SIPA1L1: variants seen among roughly 807,000 people sequenced by gnomAD.
The protein encoded by SIPA1L1 is signal-induced proliferation-associated 1-like protein 1.
SIPA1L1 carries 26 observed loss-of-function variants against 162.7 expected under a neutral mutation model. That is an observed-to-expected ratio of 0.16 (90% confidence interval 0.12 to 0.22). The LOEUF is 0.22. Ranked by LOEUF, SIPA1L1 falls within the 10% of genes least tolerant of loss-of-function variation. SIPA1L1 has a pLI of 1.00. For synonymous variants in SIPA1L1, 829 were observed against 837.4 expected, an observed-to-expected ratio of 0.99 and a Z score of 0.17; for missense variants, 1,874 against 2,241.0, an observed-to-expected ratio of 0.84 and a Z score of 3.31.
intron 4 of SIPA1L1, among the ~76,000 whole-genome samples, chr14:71,582,470 G>A (rs117974357): frequency 1.4e-3 from 209 of 152,152 alleles, no homozygotes; most frequent in Non-Finnish European, 2.5e-3. Context: ...CTATATTCAA[G>A]CTTAACAAAA....
At position 71,661,408 on chromosome 14, in the gene SIPA1L1, C is replaced by T; in HGVS notation, c.2196C>T (p.Phe732=). Residue 732 remains phenylalanine, a synonymous_variant, in exon 10 of 24, where the codon TTC becomes TTT. Transcript: ENST00000381232. ...GCCCAAAAAACATCCGATCCCACTT[C>T]CAGCACGTTTTCGTCATCGTCAGGG... is the stretch of plus-strand genomic sequence containing the variant. ...PFSPKNIRSH[F]QHVFVIVRVH... 2 of 1,614,008 alleles carry T rather than the reference C, an allele frequency of 1.2e-6. No individual in the cohort carries two copies. Among genetic ancestry groups the T allele is most frequent in the East Asian group, 2.2e-5 (1 of 44,882 alleles).
chr14:71,335,818 C>G (rs923368622), intron 2 of SIPA1L1, among the ~76,000 whole-genome samples: 6 of 152,198 alleles, frequency 3.9e-5, no homozygotes, highest in Non-Finnish European at 8.8e-5. Flanking sequence ...AATTGGCTTA[C>G]TGTACATTAT....
At chr14:71,711,628 A>G (rs1250168999) in intron 17 of SIPA1L1, among the ~76,000 whole-genome samples, 1 of 152,222 alleles carries the variant, frequency 6.6e-6, no homozygotes, top group Non-Finnish European at 1.5e-5. Context: ...CTGAAACCAA[A>G]GCACAGAATG....
At chr14:71,479,020 C>T (rs2048108135) in intron 2 of SIPA1L1, among the ~76,000 whole-genome samples, 1 of 152,084 alleles carries the variant, frequency 6.6e-6, no homozygotes, top group African/African-American at 2.4e-5. Context: ...TAGGAATTCC[C>T]TTTTCTGCTC....
At chr14:71,698,338 A>G (rs931744886) in intron 13 of SIPA1L1, among the ~76,000 whole-genome samples, 9 of 152,208 alleles carry the variant, frequency 5.9e-5, no homozygotes, top group Non-Finnish European at 1.0e-4. Context: ...AACTTTAAAA[A>G]CAGATACATG....
At chr14:71,463,401 T>G (rs1287060654) in intron 2 of SIPA1L1, among the ~76,000 whole-genome samples, 1 of 152,126 alleles carries the variant, frequency 6.6e-6, no homozygotes, top group Non-Finnish European at 1.5e-5. Context: ...AAAACTCCAT[T>G]AATTACCTGA....
At chr14:71,553,928 TGTG>T (rs2056109813) in intron 4 of SIPA1L1, among the ~76,000 whole-genome samples, 2 of 152,202 alleles carry the variant, frequency 1.3e-5, no homozygotes, top group Non-Finnish European at 2.9e-5. Flanking sequence ...TTTTTCAGAT[TGTG>T]GTTTGTGTTT....
chr14:71,371,700 A>G (rs1252349549), intron 2 of SIPA1L1, among the ~76,000 whole-genome samples: 1 of 152,186 alleles, frequency 6.6e-6, no homozygotes. Context: ...GTGCCTGGCC[A>G]GAGTCTTCAA....
intron 10 of SIPA1L1, among the ~76,000 whole-genome samples, chr14:71,667,109 T>C (rs1259139805): frequency 6.6e-6 from 1 of 152,112 alleles, no homozygotes; most frequent in Non-Finnish European, 1.5e-5. Context: ...CATGGGGGCT[T>C]CAGGTTTGGC....
At chr14:71,563,806 T>C (rs979631356) in intron 4 of SIPA1L1, among the ~76,000 whole-genome samples, 1 of 152,234 alleles carries the variant, frequency 6.6e-6, no homozygotes, top group Non-Finnish European at 1.5e-5. Context: ...CCAGCAATCT[T>C]AGGCAGTGGT....
chr14:71,671,038 G>T, intron 10 of SIPA1L1, 81 bp from the exon 11 acceptor site: 1 of 1,150,802 alleles, frequency 8.7e-7, no homozygotes, highest in East Asian at 2.4e-5. Flanking sequence ...GTACATCTTT[G>T]TCTTTGAGAA....
chr14:71,519,230 A>G (rs2052051931), intron 3 of SIPA1L1, among the ~76,000 whole-genome samples: 1 of 151,986 alleles, frequency 6.6e-6, no homozygotes, highest in African/African-American at 2.4e-5. Context: ...CAGGAGGTTG[A>G]TGCTGCAGTA....
intron 2 of SIPA1L1, among the ~76,000 whole-genome samples, chr14:71,323,748 G>A (rs181182100): frequency 1.3e-5 from 2 of 152,130 alleles, no homozygotes; most frequent in African/African-American, 4.8e-5. Flanking sequence ...GGTGAGTCAA[G>A]CAATATTTAT....
chr14:71,496,203 A>G (rs1267350028), intron 2 of SIPA1L1, among the ~76,000 whole-genome samples: 4 of 152,148 alleles, frequency 2.6e-5, no homozygotes, highest in African/African-American at 9.7e-5. Context: ...GTGTGGTGGC[A>G]TATGCCTGTG....
intron 2 of SIPA1L1, among the ~76,000 whole-genome samples, chr14:71,440,199 T>C (rs560698494): frequency 1.8e-4 from 27 of 152,152 alleles, no homozygotes; most frequent in Admixed American, 4.6e-4. Context: ...CTGATTTTTT[T>C]CTATTTTAGT....
At chr14:71,459,071 G>GAA (rs200892418) in intron 2 of SIPA1L1, among the ~76,000 whole-genome samples, 10 of 134,312 alleles carry the variant, frequency 7.4e-5, no homozygotes, top group African/African-American at 2.4e-4. Context: ...GGCTCTGTCT[G>GAA]AAAAAAAAAA....
At chr14:71,335,256 C>G (rs1396715536) in intron 2 of SIPA1L1, among the ~76,000 whole-genome samples, 1 of 152,108 alleles carries the variant, frequency 6.6e-6, no homozygotes, top group Non-Finnish European at 1.5e-5. Flanking sequence ...GAGCCAAGAT[C>G]GTGCCACTGC....
intron 12 of SIPA1L1, among the ~76,000 whole-genome samples, chr14:71,673,307 A>T (rs1208870477): frequency 6.6e-6 from 1 of 152,218 alleles, no homozygotes; most frequent in Non-Finnish European, 1.5e-5. Flanking sequence ...AAATTTAATC[A>T]ACTGTTTATT....
chr14:71,740,886 T>C lies in SIPA1L1; in HGVS notation c.*1725T>C, dbSNP rs1454291664. 6.6e-6 allele frequency: 1 copy of C among 152,254 alleles called. No individual in the cohort carries two copies. Among genetic ancestry groups the C allele is most frequent in the Non-Finnish European group, 1.5e-5 (1 of 68,046 alleles). 9.4% of individuals were successfully genotyped at this position (152,254 alleles called of 1,614,324 possible). On this transcript the variant is annotated 3_prime_UTR_variant, in exon 24 of 24. Coordinates refer to ENST00000381232, the MANE Select transcript of SIPA1L1 (RefSeq NM_001386936.1). ...ACATCCAAGCATTCTGAAGTCTTGC[T>C]TATCCTTCTGAGTTTAGTTCTCATT...
Sources: allele counts gnomAD v4.1 joint callset (sites outside exome capture counted in the v4.1 genomes callset), GRCh38; gene constraint gnomAD v4.1.1; transcripts MANE v1.5; gene names NCBI Gene and HGNC (gene_info 2026-07-23, HGNC 2026-07-21).